The following RNF212B variants were observed in gnomAD, a reference collection of about 807,000 sequenced individuals.
RNF212B encodes ring finger protein 212B.
In RNF212B, 52 loss-of-function variants were observed where a neutral mutation model predicts 55.5. That is an observed-to-expected ratio of 0.94 (90% CI 0.75 to 1.18). The LOEUF is 1.18. RNF212B is among the 50% of genes most tolerant of loss of function. The pLI, the probability that RNF212B is intolerant of heterozygous loss-of-function variation, is 0.00. For synonymous variants in RNF212B, 99 were observed against 121.4 expected (o/e 0.82, Z 1.21); for missense variants, 289 against 350.4 (o/e 0.82, Z 1.40).
chr14:23,270,960 C>T (rs1237076695), intron 14 of RNF212B, among the ~76,000 whole-genome samples: 1 of 152,174 alleles, frequency 6.6e-6, no homozygotes, highest in Non-Finnish European at 1.5e-5. Flanking sequence ...AGTAGTTCCA[C>T]AAGAAAGTAT....
intron 2 of RNF212B, among the ~76,000 whole-genome samples, chr14:23,204,245 TTA>T (rs1879616858): frequency 6.6e-6 from 1 of 152,216 alleles, no homozygotes; most frequent in South Asian, 2.1e-4. Flanking sequence ...TCCCAACTAT[TTA>T]TCTTTGTTTT....
At chr14:23,223,856 A>G (rs992744800) in intron 2 of RNF212B, among the ~76,000 whole-genome samples, 2 of 152,224 alleles carry the variant, frequency 1.3e-5, no homozygotes, top group Non-Finnish European at 2.9e-5. Context: ...GACTCCACCA[A>G]AAACTATTAG....
At chr14:23,221,152 T>G (rs1343099357) in intron 2 of RNF212B, among the ~76,000 whole-genome samples, 1 of 150,580 alleles carries the variant, frequency 6.6e-6, no homozygotes, top group East Asian at 1.9e-4. Flanking sequence ...TTTGGGAGGC[T>G]GAGGTGGACA....
chr14:23,209,050 G>A (rs560689342), intron 2 of RNF212B, among the ~76,000 whole-genome samples: 9 of 152,322 alleles, frequency 5.9e-5, no homozygotes, highest in South Asian at 4.1e-4. Flanking sequence ...GAGCCACCGT[G>A]CCCGGCCTGG....
chr14:23,253,225 A>G (rs914373084), intron 4 of RNF212B, among the ~76,000 whole-genome samples: 1 of 152,244 alleles, frequency 6.6e-6, no homozygotes, highest in African/African-American at 2.4e-5. Context: ...TTATCAAATT[A>G]TCAGTCCCCA....
Position 23,213,230 on chromosome 14 carries a change from G to A in RNF212B, c.-2+19829G>A, listed in dbSNP as rs965798872. ...CGGGAGGCTGAGGCAGGAGAATGGC[G>A]TGAACCCGTGAGGCGGAGCTTGCAG... On this transcript the variant is annotated intron_variant, in intron 2 of 15. Coordinates refer to the RNF212B transcript ENST00000399910. Among the ~76,000 whole-genome samples the A allele has an allele frequency of 4.6e-5, 7 of 151,798 alleles. No homozygotes were observed. In the East Asian group the frequency reaches 9.7e-4, roughly 21 times the overall value.
intron 14 of RNF212B, among the ~76,000 whole-genome samples, chr14:23,272,117 T>C (rs1230136739): frequency 6.6e-6 from 1 of 152,150 alleles, no homozygotes; most frequent in East Asian, 1.9e-4. Context: ...TACTATTCTA[T>C]GTATTTTTTG....
chr14:23,230,814 T>C (rs537153849), intron 2 of RNF212B, among the ~76,000 whole-genome samples: 1 of 152,264 alleles, frequency 6.6e-6, no homozygotes, highest in South Asian at 2.1e-4. Flanking sequence ...AGGTAAGGAT[T>C]CAACTTTATT....
At chr14:23,217,790 G>A (rs368284665) in intron 2 of RNF212B, among the ~76,000 whole-genome samples, 3 of 152,000 alleles carry the variant, frequency 2.0e-5, no homozygotes, top group African/African-American at 4.8e-5. Flanking sequence ...CCCAGACCAC[G>A]AAGACTATAA....
chr14:23,215,118 C>A (rs774550197), intron 2 of RNF212B, among the ~76,000 whole-genome samples: 1 of 152,166 alleles, frequency 6.6e-6, no homozygotes, highest in Non-Finnish European at 1.5e-5. Context: ...TTCCCCCATA[C>A]TGTTCTCATG....
chr14:23,210,766 G>C, intron 2 of RNF212B, among the ~76,000 whole-genome samples: 1 of 50,250 alleles, frequency 2.0e-5, no homozygotes, highest in Non-Finnish European at 3.5e-5. Flanking sequence ...GACAGTGTGA[G>C]ACTCTGTCTC....
At chr14:23,231,792 G>A (rs906465340) in intron 2 of RNF212B, among the ~76,000 whole-genome samples, 12 of 152,198 alleles carry the variant, frequency 7.9e-5, no homozygotes, top group East Asian at 1.9e-4. Flanking sequence ...GGCACGCGCC[G>A]CCACGCCTGA....
Position 23,262,677 on chromosome 14 carries a change from T to G in RNF212B, c.447T>G (p.Pro149=), listed in dbSNP as rs1469025454. Residue 149 remains proline, a synonymous_variant, in exon 8 of 15, where the codon CCT becomes CCG. Transcript: ENST00000430154. ...SRYQGSRSIT[P]RPVGITSPSQ... ...TTTTCCCTTGCAGGTCAATCACACC[T>G]CGACCAGTGGGCATTACTTCCCCAT... 2.5e-5 allele frequency: 39 copies of G among 1,550,340 alleles called. No homozygotes were observed. The highest frequency in any genetic ancestry group is 2.8e-5 in the Non-Finnish European group (32 of 1,146,908).
At chr14:23,222,237 T>A (rs35758292) in intron 2 of RNF212B, among the ~76,000 whole-genome samples, 27,888 of 151,396 alleles carry the variant, frequency 0.18, 2,584 homozygotes, top group African/African-American at 0.21. Flanking sequence ...ATTGATAAAC[T>A]TTTAGCCAGA....
chr14:23,224,011 A>G (rs1409816385), intron 2 of RNF212B, among the ~76,000 whole-genome samples: 1 of 152,186 alleles, frequency 6.6e-6, no homozygotes, highest in Admixed American at 6.5e-5. Context: ...AAAATTAATT[A>G]CCGAGGAATT....
At chr14:23,243,578 C>T (rs954478229) in intron 3 of RNF212B, among the ~76,000 whole-genome samples, 14 of 151,174 alleles carry the variant, frequency 9.3e-5, no homozygotes, top group Admixed American at 8.6e-4. Flanking sequence ...GGCCTGTAGT[C>T]CCAGCAGCTT....
chr14:23,196,448 CA>C (rs1283748634), intron 2 of RNF212B, among the ~76,000 whole-genome samples: 21 of 152,136 alleles, frequency 1.4e-4, no homozygotes, highest in African/African-American at 5.1e-4. Flanking sequence ...AAAACAAAAA[CA>C]AAAACATAGA....
intron 2 of RNF212B, among the ~76,000 whole-genome samples, chr14:23,221,668 C>T (rs1006690208): frequency 6.6e-6 from 1 of 152,132 alleles, no homozygotes; most frequent in Non-Finnish European, 1.5e-5. Flanking sequence ...ACATTTCATC[C>T]AACAGCTGTA....
At chr14:23,265,840 A>C (rs1163320683) in intron 11 of RNF212B, among the ~76,000 whole-genome samples, 1 of 152,100 alleles carries the variant, frequency 6.6e-6, no homozygotes, top group Non-Finnish European at 1.5e-5. Context: ...CTAAGGTGGA[A>C]GTTTCGATTA....
Sources: allele counts gnomAD v4.1 joint callset (sites outside exome capture counted in the v4.1 genomes callset), GRCh38; gene constraint gnomAD v4.1.1; transcripts MANE v1.5; gene names NCBI Gene and HGNC (gene_info 2026-07-23, HGNC 2026-07-21).